Variants in MYO7B observed in about 807,000 individuals in gnomAD.
The protein encoded by MYO7B is myosin VIIB, also known as unconventional myosin-VIIb.
Under a neutral mutation model 259.7 loss-of-function variants are expected in MYO7B, and 212 were observed. The ratio of observed to expected loss-of-function variants is 0.82; its 90% CI spans 0.73 to 0.91. The LOEUF is 0.91. Ranked by LOEUF, MYO7B falls within the 40% of genes least tolerant of loss-of-function variation. The pLI, the probability that MYO7B is intolerant of heterozygous loss-of-function variation, is 0.00. For missense variants in MYO7B, 2,732 were observed against 2,813.5 expected (o/e 0.97, Z 0.66); for synonymous variants, 1,197 against 1,166.4 (o/e 1.03, Z -0.54).
chr2:127,607,247 C>G lies in MYO7B; in HGVS notation c.2466C>G (p.Ser822Arg), dbSNP rs749215459. 1.7e-4 allele frequency: 256 copies of G among 1,550,584 alleles called. 2 individuals are homozygous for G. In the South Asian group the frequency reaches 2.8e-3, roughly 17 times the overall value. Residue 822 changes from serine (S) to arginine (R), a missense_variant, in exon 21 of 48, where the codon AGC (serine) becomes AGG (arginine). This residue lies in a region of MYO7B where 1,906 missense variants were observed against 2,026.4 expected (regional missense o/e 0.94). Transcript: ENST00000409816. This position sits in a 1 kb window ranked among gnomAD's most constrained non-coding sequence, Gnocchi z 4.4. The stretch of plus-strand genomic sequence containing the variant: ...AGCGCCTGCAGGCTATTGCCCGGAG[C>G]CAGCCGCTGGCGAGGCAGTACCAGG... ...GFERLQAIARSQPLARQYQAM... is the reference protein window; with the variant it reads ...GFERLQAIARRQPLARQYQAM...
chr2:127,631,634 G>A lies in MYO7B; in HGVS notation c.5130G>A (p.Arg1710=). 2.5e-6 allele frequency: 4 copies of A among 1,613,114 alleles called. No individual in the cohort carries two copies. The highest frequency in any genetic ancestry group is 1.1e-5 in the South Asian group (1 of 91,086). Residue 1710 remains arginine, a synonymous_variant, in exon 38 of 48, where the codon CGG becomes CGA. Coordinates refer to ENST00000409816, the MANE Select transcript of MYO7B (RefSeq NM_001393586.1). ...ILRYMGDYPS[R]QAWPTLELTD... is the part of the protein sequence containing the mutation. ...GGTACATGGGCGACTACCCTTCTCG[G>A]CAGGCCTGGCCCACCCTGGAGCTCA...
At chr2:127,551,058 A>G (rs917312572) in intron 1 of MYO7B, among the ~76,000 whole-genome samples, 1 of 148,928 alleles carries the variant, frequency 6.7e-6, no homozygotes, top group African/African-American at 2.5e-5. Context: ...TGCCATGACC[A>G]AATACTGCAG....
At chr2:127,553,595 G>A (rs1693533284) in intron 1 of MYO7B, among the ~76,000 whole-genome samples, 2 of 152,126 alleles carry the variant, frequency 1.3e-5, no homozygotes, top group South Asian at 4.1e-4. Context: ...ACTGATTTGT[G>A]TACATTAATT....
At chr2:127,612,420 T>A in intron 25 of MYO7B, 56 bp from the exon 26 acceptor site, 1 of 1,549,870 alleles carries the variant, frequency 6.5e-7, no homozygotes, top group Non-Finnish European at 8.7e-7. Flanking sequence ...ACCAGTTTCC[T>A]ACTTGGCAGA....
At position 127,637,396 on chromosome 2, in the gene MYO7B, C is replaced by G. The variant is rs1302913537; in HGVS notation, c.6408C>G (p.Ala2136=). 1 of 1,562,568 alleles carries G rather than the reference C, an allele frequency of 6.4e-7. No individual in the cohort carries two copies. Among genetic ancestry groups the G allele is most frequent in the East Asian group, 2.3e-5 (1 of 43,854 alleles). Residue 2136 remains alanine, a synonymous_variant, in exon 48 of 48, where the codon GCC becomes GCG. Transcript: ENST00000409816. The stretch of plus-strand genomic sequence containing the variant: ...TGAACAAGCAGCGGGGCTCCAAGGC[C>G]CCAGCCCTGGCCAGCACCTAGCAGC... ...SAMNKQRGSK[A]PALAST
Position 127,576,826 on chromosome 2 carries a change from G to A in MYO7B, c.849+118G>A, listed in dbSNP as rs371001877. The A allele has an allele frequency of 2.8e-4, 192 of 693,206 alleles. 1 individual carries two copies. In the East Asian group the frequency reaches 2.8e-3, roughly 10 times the overall value. The allele number at this position is 693,206 out of a possible 1,614,324, so 42.9% of individuals were successfully genotyped here. A position where few individuals can be genotyped will look rare whatever the true frequency, so the allele number is the denominator to read the frequency against. ...CCAACGCTGGCCGGGCCCCTGAGGC[G>A]GGGCTGGTTCCCTTTGCCTCTCCTC... On this transcript the variant is annotated intron_variant, in intron 8 of 47. Coordinates refer to ENST00000409816, the MANE Select transcript of MYO7B (RefSeq NM_001393586.1). The surrounding 1 kb of genome is among the most constrained non-coding windows in gnomAD (Gnocchi z 4.9).
At chr2:127,588,173 TA>T (rs1477237513) in intron 14 of MYO7B, among the ~76,000 whole-genome samples, 1 of 150,886 alleles carries the variant, frequency 6.6e-6, no homozygotes, top group East Asian at 2.0e-4. Flanking sequence ...GAATGGGAAT[TA>T]GGGGGGGTCC....
At chr2:127,605,138 T>C (rs985930575) in intron 19 of MYO7B, among the ~76,000 whole-genome samples, 3 of 152,238 alleles carry the variant, frequency 2.0e-5, no homozygotes, top group African/African-American at 7.2e-5. Flanking sequence ...TGGGAGTGAC[T>C]CCGTCTCGCC....
chr2:127,590,997 T>C lies in MYO7B; in HGVS notation c.1992+768T>C, dbSNP rs1679536601. Among the ~76,000 whole-genome samples, 1 of 152,246 alleles carries C rather than the reference T, an allele frequency of 6.6e-6. No individual in the cohort carries two copies. The highest frequency in any genetic ancestry group is 2.4e-5 in the African/African-American group (1 of 41,540). On this transcript the variant is annotated intron_variant, in intron 16 of 47. Coordinates refer to ENST00000409816, the MANE Select transcript of MYO7B (RefSeq NM_001393586.1). The surrounding 1 kb of genome is among the most constrained non-coding windows in gnomAD (Gnocchi z 4.6). Reference sequence around the variant, plus strand: ...TTGCTTGAGGCAAGCCTGGGCAACATAGTAAGACCTTATCTCTGCAAAAAA... The same window carrying C: ...TTGCTTGAGGCAAGCCTGGGCAACACAGTAAGACCTTATCTCTGCAAAAAA...
In MYO7B at chr2:127,579,574, A is replaced by ATTTGTTTG. The variant is rs34233331; in HGVS notation, c.1004-1152_1004-1145dup. ...ATGCAGACAGATCCACTAACATAAC[A>ATTTGTTTG]TTTGTTTGTTTGTTTGTTTGTTTGT... is the stretch of plus-strand genomic sequence containing the variant. On this transcript the variant is annotated intron_variant, in intron 9 of 47. Transcript: ENST00000409816. 9.4e-3 allele frequency among the ~76,000 whole-genome samples: 1,415 copies of ATTTGTTTG among 150,484 alleles called. 19 individuals are homozygous for ATTTGTTTG. The highest frequency in any genetic ancestry group is 0.029 in the African/African-American group (1,184 of 40,796).
chr2:127,632,364 G>A lies in MYO7B; in HGVS notation c.5368G>A (p.Ala1790Thr). ...AGACACTCGGAGGGGGAAGCTGCTG[G>A]CCCCCGACTGCAGCCGCCGAATCCA... Reference protein sequence around the residue: ...FIDTRRGKLLAPDCSRRIQKV... With the variant: ...FIDTRRGKLLTPDCSRRIQKV... Residue 1790 changes from alanine (A) to threonine (T), a missense_variant, in exon 39 of 48, where the codon GCC becomes ACC. This residue lies in a region of MYO7B where 821 missense variants were observed against 769.3 expected (regional missense o/e 1.07). Transcript: ENST00000409816. 1 of 1,587,542 alleles carries A rather than the reference G, an allele frequency of 6.3e-7. No homozygotes were observed. The highest frequency in any genetic ancestry group is 1.3e-5 in the African/African-American group (1 of 74,214).
chr2:127,623,402 G>A (rs758929558), intron 29 of MYO7B, 27 bp downstream of exon 29: 3 of 1,534,046 alleles, frequency 2.0e-6, no homozygotes, highest in African/African-American at 2.7e-5. Context: ...CTGCCCGTCA[G>A]CCGCCTCCCT....
chr2:127,633,779 C>T (rs1681645044), intron 40 of MYO7B, among the ~76,000 whole-genome samples: 1 of 152,158 alleles, frequency 6.6e-6, no homozygotes, highest in African/African-American at 2.4e-5. Context: ...CCACCAGGAC[C>T]CCACCGTGAC....
rs940927300 is a variant in MYO7B at position 127,625,477 on chromosome 2, T to G, written c.4157T>G (p.Leu1386Arg). The G allele has an allele frequency of 7.4e-6, 12 of 1,612,040 alleles. No homozygotes were observed. In the African/African-American group the frequency reaches 1.5e-4, roughly 20 times the overall value. ...ELLPSCIPHK[L>R]YRTKPPDRWA... ...CTGCCCAGCTGCATCCCCCACAAGC[T>G]GTACAGGACCAAGCCCCCAGACAGG... Residue 1386 changes from leucine (L) to arginine (R), a missense_variant, in exon 31 of 48, where the codon CTG (leucine) becomes CGG (arginine). Leu to Arg is a moderately radical substitution (Grantham distance 102). Transcript: ENST00000409816.
intron 37 of MYO7B, 94 bp downstream of exon 37, chr2:127,631,457 G>A (rs1681503771): frequency 2.6e-6 from 4 of 1,544,564 alleles, no homozygotes; most frequent in Non-Finnish European, 2.6e-6. Flanking sequence ...TAGGGCAGGA[G>A]AGCCCAGGAG....
rs748423424 is a variant in MYO7B at position 127,608,772 on chromosome 2, G to C, written c.2708G>C (p.Arg903Thr). 1.2e-6 allele frequency: 2 copies of C among 1,613,618 alleles called. No individual in the cohort carries two copies. The highest frequency in any genetic ancestry group is 8.5e-7 in the Non-Finnish European group (1 of 1,179,868). The change falls in exon 22 of 48, where the codon AGA becomes ACA. Residue 903 changes from arginine to threonine, a missense_variant. Arg to Thr is a moderately conservative substitution (Grantham distance 71). This residue lies in a region of MYO7B where 1,906 missense variants were observed against 2,026.4 expected (regional missense o/e 0.94). Coordinates refer to ENST00000409816, the MANE Select transcript of MYO7B (RefSeq NM_001393586.1). ...SQGALPAKKRRSIYDTVTDTE... is the reference protein window; with the variant it reads ...SQGALPAKKRTSIYDTVTDTE... The stretch of plus-strand genomic sequence containing the variant: ...GGCGCTCTCCCTGCCAAGAAGCGCA[G>C]ATCCATCTACGACACCGTCACTGAC...
At position 127,545,647 on chromosome 2, in the gene MYO7B, G is replaced by C. The variant is rs76241688; in HGVS notation, c.-24+9816G>C. On this transcript the variant is annotated intron_variant, in intron 1 of 47. Coordinates refer to ENST00000409816, the MANE Select transcript of MYO7B (RefSeq NM_001393586.1). The stretch of plus-strand genomic sequence containing the variant: ...TCTGGCCTGGTGGATGGGTGCACAG[G>C]CTCTGCCACAGCCCTGTCACCACTA... Among the ~76,000 whole-genome samples, 894 of 152,342 alleles carry C rather than the reference G, an allele frequency of 5.9e-3. 8 individuals are homozygous for C. The highest frequency in any genetic ancestry group is 0.02 in the African/African-American group (844 of 41,580).
At chr2:127,560,337 T>C (rs564844355) in intron 2 of MYO7B, among the ~76,000 whole-genome samples, 114 of 152,284 alleles carry the variant, frequency 7.5e-4, no homozygotes, top group African/African-American at 2.7e-3. Context: ...GATTTCCCAG[T>C]TGCCTCATTG....
chr2:127,593,279 T>C (rs17015433), intron 17 of MYO7B, among the ~76,000 whole-genome samples: 1,538 of 152,312 alleles, frequency 0.01, 29 homozygotes, highest in African/African-American at 0.035. Context: ...GGCCCGAGGT[T>C]CTTCCTGTCC....
Sources: gnomAD v4.1 joint callset for allele counts (sites outside exome capture counted in the v4.1 genomes callset) on GRCh38, gnomAD v4.1.1 for gene constraint, gnomAD v4.1.1 regional missense constraint, Gnocchi (gnomAD v3.1) non-coding constraint, MANE v1.5 for transcripts, NCBI Gene and HGNC (gene_info 2026-07-23, HGNC 2026-07-21) for gene names.